The following DLGAP1 variants were observed in gnomAD, a reference collection of about 807,000 sequenced individuals.
The protein encoded by DLGAP1 is DLG associated protein 1.
Under a neutral mutation model 90.8 loss-of-function variants are expected in DLGAP1, and 11 were observed. The observed-to-expected ratio is 0.12, with a 90% CI of 0.08 to 0.20. DLGAP1 has a LOEUF of 0.20. Among genes scored for constraint, DLGAP1 ranks in the 10% least tolerant of loss-of-function variants. The probability of loss-of-function intolerance (pLI) is 1.00; values close to 1 mark genes in which losing one functional copy is unlikely to be tolerated. For missense variants in DLGAP1, 1,050 were observed against 1,333.8 expected (o/e 0.79, Z 3.31); for synonymous variants, 558 against 540.7 (o/e 1.03, Z -0.44).
intron 3 of DLGAP1, among the ~76,000 whole-genome samples, chr18:3,946,101 G>A (rs1191206382): frequency 6.6e-6 from 1 of 151,542 alleles, no homozygotes; most frequent in Non-Finnish European, 1.5e-5. Context: ...GAGATTTTAT[G>A]ACATAGGTAC....
At chr18:4,399,743 G>A (rs918706026) in intron 1 of DLGAP1, among the ~76,000 whole-genome samples, 82 of 152,166 alleles carry the variant, frequency 5.4e-4, no homozygotes, top group African/African-American at 1.8e-3. Flanking sequence ...GAAGCAAGAG[G>A]CATAGAGAGA....
chr18:3,931,739 T>G (rs2072520361), intron 3 of DLGAP1, among the ~76,000 whole-genome samples: 1 of 152,194 alleles, frequency 6.6e-6, no homozygotes, highest in Admixed American at 6.5e-5. Context: ...TAGCGCCACC[T>G]TTGCACAGAG....
chr18:3,811,440 T>C (rs1007105790), intron 5 of DLGAP1, among the ~76,000 whole-genome samples: 1 of 152,214 alleles, frequency 6.6e-6, no homozygotes, highest in African/African-American at 2.4e-5. Context: ...GAAAAAAAAG[T>C]TCTCTTTCCT....
chr18:4,440,855 G>T (rs2083520732), intron 1 of DLGAP1, among the ~76,000 whole-genome samples: 1 of 152,150 alleles, frequency 6.6e-6, no homozygotes. Flanking sequence ...AACAATTAAG[G>T]TTAAAACCAA....
At chr18:4,289,644 G>T (rs904944922) in intron 1 of DLGAP1, among the ~76,000 whole-genome samples, 1 of 152,032 alleles carries the variant, frequency 6.6e-6, no homozygotes, top group Non-Finnish European at 1.5e-5. Context: ...TTAAAAGAAA[G>T]AAAACTTTTT....
chr18:4,276,534 G>T (rs1233021108), intron 1 of DLGAP1, among the ~76,000 whole-genome samples: 1 of 151,864 alleles, frequency 6.6e-6, no homozygotes, highest in Non-Finnish European at 1.5e-5. Flanking sequence ...TACTTGGGAG[G>T]CTGAGGTGGG....
At chr18:3,826,731 A>G (rs1466278233) in intron 4 of DLGAP1, among the ~76,000 whole-genome samples, 4 of 152,124 alleles carry the variant, frequency 2.6e-5, no homozygotes, top group African/African-American at 9.7e-5. Context: ...TGGGAGTAGA[A>G]TGGAGGCTTT....
chr18:3,814,081 G>A lies in DLGAP1; in HGVS notation c.1150C>T (p.Leu384Phe). 2 of 1,614,062 alleles carry A rather than the reference G, an allele frequency of 1.2e-6. No homozygotes were observed. The highest frequency in any genetic ancestry group is 8.5e-7 in the Non-Finnish European group (1 of 1,179,988). ...CACTTGAGTGTGGTGAGTTCTGTAA[G>A]GGATGGCTGAGTAGCCTTGAGATAG... The part of the protein sequence containing the change: ...ESYLKATQPS[L>F]TELTTLKISN... Residue 384 changes from leucine to phenylalanine, a missense_variant, in exon 5 of 13, where the codon CTT becomes TTT. Physicochemically the swap from Leu to Phe is conservative, Grantham distance 22 (BLOSUM62 0). Coordinates refer to ENST00000315677, the MANE Select transcript of DLGAP1 (RefSeq NM_004746.4).
chr18:4,320,525 AT>A (rs1267345105), intron 1 of DLGAP1, among the ~76,000 whole-genome samples: 2 of 152,200 alleles, frequency 1.3e-5, no homozygotes, highest in Non-Finnish European at 2.9e-5. Context: ...TGGGAGGCAA[AT>A]ACAGAAAGCC....
chr18:3,851,749 G>A (rs1003635475), intron 4 of DLGAP1, among the ~76,000 whole-genome samples: 1 of 152,124 alleles, frequency 6.6e-6, no homozygotes, highest in Admixed American at 6.6e-5. Flanking sequence ...TGAAATATAT[G>A]TTGTCACAAA....
chr18:4,093,465 A>C (rs1467996196), intron 2 of DLGAP1, among the ~76,000 whole-genome samples: 1 of 152,214 alleles, frequency 6.6e-6, no homozygotes, highest in Non-Finnish European at 1.5e-5. Context: ...AAAAATATTT[A>C]AGAAGTGGAT....
intron 7 of DLGAP1, among the ~76,000 whole-genome samples, chr18:3,586,896 A>G (rs1221980759): frequency 6.6e-6 from 1 of 152,222 alleles, no homozygotes; most frequent in African/African-American, 2.4e-5. Context: ...AGGTCTGAGC[A>G]CCAGCAGGTG....
chr18:4,118,222 C>CT (rs11418635), intron 2 of DLGAP1, among the ~76,000 whole-genome samples: 1,578 of 152,254 alleles, frequency 0.01, 30 homozygotes, highest in Middle Eastern at 0.034. Context: ...AAGCCAGCCC[C>CT]TGCAGGCCGA....
At chr18:4,136,356 C>T (rs145447266) in intron 2 of DLGAP1, among the ~76,000 whole-genome samples, 57 of 152,206 alleles carry the variant, frequency 3.7e-4, no homozygotes, top group African/African-American at 1.3e-3. Flanking sequence ...ATGTACATTC[C>T]CTCCAGCACT....
intron 1 of DLGAP1, among the ~76,000 whole-genome samples, chr18:4,449,116 A>G (rs1645072782): frequency 6.6e-6 from 1 of 152,210 alleles, no homozygotes; most frequent in African/African-American, 2.4e-5. Flanking sequence ...CAATGGAGAC[A>G]CAAAAAGGAG....
At chr18:3,882,573 G>A (rs1017770856) in intron 3 of DLGAP1, among the ~76,000 whole-genome samples, 20 of 151,492 alleles carry the variant, frequency 1.3e-4, no homozygotes, top group Non-Finnish European at 2.7e-4. Flanking sequence ...ATGACCAAAG[G>A]ATGGCCCTTG....
chr18:3,897,381 TA>T (rs1287861576), intron 3 of DLGAP1, among the ~76,000 whole-genome samples: 1 of 152,336 alleles, frequency 6.6e-6, no homozygotes, highest in East Asian at 1.9e-4. Flanking sequence ...CAAAAGCTAG[TA>T]AAAGAGCTAA....
intron 1 of DLGAP1, among the ~76,000 whole-genome samples, chr18:4,187,591 A>G (rs2077320178): frequency 6.6e-6 from 1 of 152,196 alleles, no homozygotes; most frequent in African/African-American, 2.4e-5. Flanking sequence ...GAGTATGATT[A>G]GTATCATCCA....
intron 5 of DLGAP1, among the ~76,000 whole-genome samples, chr18:3,784,308 T>A (rs1383052636): frequency 6.6e-6 from 1 of 152,122 alleles, no homozygotes; most frequent in African/African-American, 2.4e-5. Context: ...GGACCCCCCC[T>A]AGTTGTTGGG....
Sources: allele counts gnomAD v4.1 joint callset (sites outside exome capture counted in the v4.1 genomes callset), GRCh38; gene constraint gnomAD v4.1.1; transcripts MANE v1.5; gene names NCBI Gene and HGNC (gene_info 2026-07-23, HGNC 2026-07-21).